Variants in ZNF483 observed in about 807,000 individuals in gnomAD.
ZNF483 encodes zinc finger protein 483.
Under a neutral mutation model 28.6 loss-of-function variants are expected in ZNF483, and 9 were observed. That is an observed-to-expected ratio of 0.32 (90% CI 0.19 to 0.55). The LOEUF is 0.55. Ranked by LOEUF, ZNF483 falls within the 20% of genes least tolerant of loss-of-function variation. ZNF483 has a pLI of 0.93. For missense variants in ZNF483, 675 were observed against 871.7 expected (o/e 0.77, Z 2.84); for synonymous variants, 322 against 306.2 (o/e 1.05, Z -0.54).
At chr9:111,533,610 C>A in intron 3 of ZNF483, 129 bp from the exon 4 acceptor site, 1 of 863,384 alleles carries the variant, frequency 1.2e-6, no homozygotes, top group Non-Finnish European at 1.6e-6. Context: ...GTTGAGCCTG[C>A]AGTGAACCAT....
At chr9:111,574,657 C>A in intron 5 of ZNF483, 1 of 843,418 alleles carries the variant, frequency 1.2e-6, no homozygotes, top group Non-Finnish European at 1.8e-6. Flanking sequence ...TTCAGAGTCA[C>A]TGGCCTATGG....
In ZNF483 at chr9:111,533,871, G is replaced by C; in HGVS notation, c.628+6G>C. ...CAGGAACCTAGAATTTCTGGGTAAAGACACCTTTTCTTCATTACCTAGCGT... is the reference window on the plus strand; with the variant it reads ...CAGGAACCTAGAATTTCTGGGTAAACACACCTTTTCTTCATTACCTAGCGT... On this transcript the variant is annotated splice_donor_region_variant and intron_variant, in intron 4 of 5. Coordinates refer to ENST00000309235, the MANE Select transcript of ZNF483 (RefSeq NM_133464.5). 1 of 1,588,204 alleles carries C rather than the reference G, an allele frequency of 6.3e-7. No individual in the cohort carries two copies.
In ZNF483 at chr9:111,552,030, T is replaced by C. The variant is rs1827978545; in HGVS notation, c.*8860T>C. On this transcript the variant is annotated 3_prime_UTR_variant, in exon 6 of 6. Transcript: ENST00000309235. ...ATGTTTCTATTGTAAATAAATTCTT[T>C]TACCTGTCTAGCCAGGTCACAAGTT... is the stretch of plus-strand genomic sequence containing the variant. Among the ~76,000 whole-genome samples the C allele has an allele frequency of 6.6e-6, 1 of 152,244 alleles. No homozygotes were observed. The highest frequency in any genetic ancestry group is 1.5e-5 in the Non-Finnish European group (1 of 68,038).
Position 111,551,640 on chromosome 9 carries a change from A to T in ZNF483, c.*8470A>T, listed in dbSNP as rs982400261. Among the ~76,000 whole-genome samples the T allele has an allele frequency of 6.6e-6, 1 of 152,000 alleles. No homozygotes were observed. Among genetic ancestry groups the T allele is most frequent in the African/African-American group, 2.4e-5 (1 of 41,382 alleles). Reference sequence around the variant, plus strand: ...TGTTCTCCAACTCCTAAGCCCAGGCAATCTGCCTGTCTCGGCCTCCCAAAG... The same window carrying T: ...TGTTCTCCAACTCCTAAGCCCAGGCTATCTGCCTGTCTCGGCCTCCCAAAG... On this transcript the variant is annotated 3_prime_UTR_variant, in exon 6 of 6. Coordinates refer to ENST00000309235, the MANE Select transcript of ZNF483 (RefSeq NM_133464.5).
chr9:111,551,056 G>C lies in ZNF483; in HGVS notation c.*7886G>C, dbSNP rs1827926055. ...CAGCACCATCCAACAGTAATATAAT[G>C]TGAGCCACATACATAATTTCAAATT... On this transcript the variant is annotated 3_prime_UTR_variant, in exon 6 of 6. Transcript: ENST00000309235. Among the ~76,000 whole-genome samples, 2 of 152,208 alleles carry C rather than the reference G, an allele frequency of 1.3e-5. No individual in the cohort carries two copies. Among genetic ancestry groups the C allele is most frequent in the Admixed American group, 1.3e-4 (2 of 15,266 alleles).
At chr9:111,568,669 C>T (rs1828680770) in intron 5 of ZNF483, among the ~76,000 whole-genome samples, 1 of 152,342 alleles carries the variant, frequency 6.6e-6, no homozygotes, top group Non-Finnish European at 1.5e-5. Context: ...TTTTGTGGCT[C>T]AGGTGGGTAT....
chr9:111,557,373 C>G (rs1242493418), downstream of ZNF483, among the ~76,000 whole-genome samples: 1 of 148,722 alleles, frequency 6.7e-6, no homozygotes, highest in Non-Finnish European at 1.5e-5. Flanking sequence ...GACTCCATCT[C>G]CAGTAAAAAA....
rs10980933 is a variant in ZNF483, at chr9:111,543,775, T to C, written c.*605T>C. The C allele has an allele frequency of 2.0e-3, 1,666 of 825,928 alleles. No individual in the cohort carries two copies. Among genetic ancestry groups the C allele is most frequent in the East Asian group, 3.9e-3 (27 of 6,974 alleles). 51.2% of individuals were successfully genotyped at this position (825,928 alleles called of 1,614,324 possible). ...TGCTGGACTTCTTTTCTTTTTTTTT[T>C]CTTTTTTTTTTTTCAATTTTTCTTT... is the stretch of plus-strand genomic sequence containing the variant. On this transcript the variant is annotated 3_prime_UTR_variant, in exon 6 of 6. Transcript: ENST00000309235.
At chr9:111,528,257 T>G (rs1827229470) in intron 2 of ZNF483, among the ~76,000 whole-genome samples, 1 of 152,354 alleles carries the variant, frequency 6.6e-6, no homozygotes, top group East Asian at 1.9e-4. Context: ...GTTTCTGCAC[T>G]GTTTTGCAAT....
intron 5 of ZNF483, chr9:111,563,289 G>C: frequency 2.0e-6 from 3 of 1,474,784 alleles, no homozygotes; most frequent in Non-Finnish European, 2.8e-6. Context: ...ATGATATACT[G>C]TTCTCATCCT....
chr9:111,543,189 G>C lies in ZNF483; in HGVS notation c.*19G>C. 1.3e-6 allele frequency: 2 copies of C among 1,564,430 alleles called. No homozygotes were observed. The highest frequency in any genetic ancestry group is 1.7e-6 in the Non-Finnish European group (2 of 1,156,912). On this transcript the variant is annotated 3_prime_UTR_variant, in exon 6 of 6. Transcript: ENST00000309235. ...AGAGTAATCCTGGAACTACATTAAA[G>C]TGGGGGGAATTTAATTCAAATTGTC...
In ZNF483 at chr9:111,534,275, A is replaced by C; in HGVS notation, c.643A>C (p.Lys215Gln). The change falls in exon 5 of 6, where the codon AAA (lysine) becomes CAA (glutamine). Residue 215 changes from lysine (K) to glutamine (Q), a missense_variant. Physicochemically the swap from Lys to Gln is moderately conservative, Grantham distance 53 (BLOSUM62 1). Coordinates refer to ENST00000309235, the MANE Select transcript of ZNF483 (RefSeq NM_133464.5). Reference sequence around the variant, plus strand: ...TCTATGAGCAGACTTTCCAGTTTCAAAATTAGAGTTGATTTCCCAGCTAAA... The same window carrying C: ...TCTATGAGCAGACTTTCCAGTTTCACAATTAGAGTTGATTTCCCAGCTAAA... The part of the protein sequence containing the change: ...NLEFLDFPVS[K>Q]LELISQLKWV... The C allele has an allele frequency of 6.2e-7, 1 of 1,614,098 alleles. No individual in the cohort carries two copies. Among genetic ancestry groups the C allele is most frequent in the Non-Finnish European group, 8.5e-7 (1 of 1,179,988 alleles).
intron 5 of ZNF483, chr9:111,570,057 T>C: frequency 6.2e-7 from 1 of 1,613,030 alleles, no homozygotes; most frequent in Non-Finnish European, 8.5e-7. Context: ...TGACCTAGTG[T>C]ACAATTGGAA....
intron 2 of ZNF483, among the ~76,000 whole-genome samples, chr9:111,528,665 C>T (rs977668506): frequency 2.6e-5 from 4 of 152,092 alleles, no homozygotes; most frequent in Non-Finnish European, 2.9e-5. Flanking sequence ...ATATGTGTGA[C>T]AGTTTGTATT....
At chr9:111,564,167 T>C in intron 5 of ZNF483, 2 of 957,664 alleles carry the variant, frequency 2.1e-6, no homozygotes, top group Non-Finnish European at 2.6e-6. Context: ...CTGATACAAG[T>C]TTTTCGCTAA....
At chr9:111,539,112 C>CAA (rs11367090) in intron 5 of ZNF483, among the ~76,000 whole-genome samples, 43 of 64,892 alleles carry the variant, frequency 6.6e-4, no homozygotes, top group African/African-American at 7.2e-4. Context: ...GACTCCGTCT[C>CAA]AAAAAAAAAA....
At chr9:111,538,556 A>C (rs1417977210) in intron 5 of ZNF483, among the ~76,000 whole-genome samples, 1 of 151,914 alleles carries the variant, frequency 6.6e-6, no homozygotes, top group Admixed American at 6.6e-5. Flanking sequence ...TTCAAGGGTC[A>C]ACTGTGATTA....
rs1402688269 is a variant in ZNF483, at chr9:111,561,138, GGAGA to G, written c.722-15221_722-15218del. Among the ~76,000 whole-genome samples the G allele has an allele frequency of 2.1e-3, 43 of 20,082 alleles. 3 individuals carry two copies. The East Asian group carries it at 0.023, about 11-fold the overall frequency. 13.2% of individuals were successfully genotyped at this position (20,082 alleles called of 152,430 possible). ...AGAGAGAGAGAGAGAGAGAGAGAGA[GGAGA>G]GAGAGGGAGAGAGAGAGAGAGAGAG... On this transcript the variant is annotated intron_variant, in intron 5 of 5. Transcript: ENST00000358151.
intron 5 of ZNF483, among the ~76,000 whole-genome samples, chr9:111,573,460 G>A (rs1828920328): frequency 6.6e-6 from 1 of 152,106 alleles, no homozygotes; most frequent in Non-Finnish European, 1.5e-5. Flanking sequence ...GGGCTATAAG[G>A]TTTCATTCCC....
Sources: gnomAD v4.1 joint callset for allele counts (sites outside exome capture counted in the v4.1 genomes callset) on GRCh38, gnomAD v4.1.1 for gene constraint, MANE v1.5 for transcripts, NCBI Gene and HGNC (gene_info 2026-07-23, HGNC 2026-07-21) for gene names.